Variants in MALRD1 observed in about 807,000 individuals in gnomAD.
MALRD1 encodes the protein MAM and LDL-receptor class A domain-containing protein 1.
In MALRD1, 247 loss-of-function variants were observed where a neutral mutation model predicts 242.1. The observed-to-expected ratio is 1.02, with a 90% CI of 0.92 to 1.13. MALRD1 has a LOEUF of 1.13. Among genes scored for constraint, MALRD1 ranks in the 50% most tolerant of loss-of-function variants. The pLI is 0.00. For synonymous variants in MALRD1, 995 were observed against 866.6 expected (o/e 1.15, Z -2.60); for missense variants, 2,989 against 2,533.1 (o/e 1.18, Z -3.86).
chr10:19,244,359 G>C (rs1353399252), intron 18 of MALRD1, among the ~76,000 whole-genome samples: 1 of 152,074 alleles, frequency 6.6e-6, no homozygotes, highest in East Asian at 1.9e-4. Context: ...GATTGCTTGA[G>C]TCTTGGAGTT....
chr10:19,439,357 C>T (rs1360134472), intron 28 of MALRD1, among the ~76,000 whole-genome samples: 1 of 151,912 alleles, frequency 6.6e-6, no homozygotes, highest in Non-Finnish European at 1.5e-5. Flanking sequence ...ATAGTAAGGC[C>T]CGGTCTCTGC....
At chr10:19,454,713 T>TACACACAC (rs35489123) in intron 29 of MALRD1, among the ~76,000 whole-genome samples, 179 of 132,404 alleles carry the variant, frequency 1.4e-3, no homozygotes, top group African/African-American at 2.9e-3. Context: ...CGTGCACACG[T>TACACACAC]ACACACACAC....
At chr10:19,646,859 G>A (rs191432269) in intron 36 of MALRD1, among the ~76,000 whole-genome samples, 3 of 152,286 alleles carry the variant, frequency 2.0e-5, no homozygotes, top group Admixed American at 2.0e-4. Flanking sequence ...GAAAGGGACA[G>A]AAGGCATTGC....
At chr10:19,542,638 A>G (rs1835022632) in intron 32 of MALRD1, among the ~76,000 whole-genome samples, 2 of 152,016 alleles carry the variant, frequency 1.3e-5, no homozygotes. Flanking sequence ...TTAAATTTAT[A>G]TATATAGATG....
chr10:19,486,626 C>G (rs1433080977), intron 29 of MALRD1, among the ~76,000 whole-genome samples: 1 of 152,086 alleles, frequency 6.6e-6, no homozygotes, highest in East Asian at 1.9e-4. Context: ...ACATGAAAAA[C>G]AAAGGTACTT....
intron 33 of MALRD1, among the ~76,000 whole-genome samples, chr10:19,592,768 C>CGT (rs1837881748): frequency 1.5e-3 from 31 of 20,062 alleles, no homozygotes; most frequent in African/African-American, 3.3e-3. Context: ...CACACGCACG[C>CGT]ACACACACAC....
At chr10:19,373,573 A>T (rs1845480164) in intron 26 of MALRD1, among the ~76,000 whole-genome samples, 2 of 151,978 alleles carry the variant, frequency 1.3e-5, no homozygotes, top group South Asian at 4.1e-4. Flanking sequence ...GAAGGGAGAG[A>T]GGGAGGGATG....
At chr10:19,223,954 G>A (rs1837670993) in intron 18 of MALRD1, among the ~76,000 whole-genome samples, 1 of 152,114 alleles carries the variant, frequency 6.6e-6, no homozygotes, top group African/African-American at 2.4e-5. Context: ...ATCATTGATG[G>A]GCATTTGGGT....
chr10:19,547,020 G>A lies in MALRD1; in HGVS notation c.5478+15669G>A, dbSNP rs184601658. Among the ~76,000 whole-genome samples, 4 of 152,212 alleles carry A rather than the reference G, an allele frequency of 2.6e-5. No homozygotes were observed. In the East Asian group the frequency reaches 7.7e-4, roughly 29 times the overall value. On this transcript the variant is annotated intron_variant, in intron 32 of 39. Coordinates refer to ENST00000454679, the MANE Select transcript of MALRD1 (RefSeq NM_001142308.3). ...CAGTATAAATTTTCTTTCAATTTGA[G>A]GGAAGGTGTTTTGAAGGCATTCTGA...
intron 35 of MALRD1, among the ~76,000 whole-genome samples, chr10:19,611,188 T>A (rs1485503372): frequency 1.3e-5 from 2 of 151,962 alleles, no homozygotes; most frequent in African/African-American, 4.8e-5. Flanking sequence ...TATTTCTACA[T>A]GAAGAATCTT....
chr10:19,485,722 A>C lies in MALRD1; in HGVS notation c.5030-5795A>C, dbSNP rs117786101. On this transcript the variant is annotated intron_variant, in intron 29 of 39. Transcript: ENST00000454679. ...AAAAAGCAATTAATTTTATTGATAG[A>C]TATCAAAAGCCCTAAAAGAGACAAA... is the stretch of plus-strand genomic sequence containing the variant. 2.5e-3 allele frequency among the ~76,000 whole-genome samples: 387 copies of C among 152,198 alleles called. 6 individuals are homozygous for C. The East Asian group carries it at 0.038, about 15-fold the overall frequency.
intron 21 of MALRD1, among the ~76,000 whole-genome samples, chr10:19,290,918 A>G (rs1375315357): frequency 1.3e-5 from 2 of 152,074 alleles, no homozygotes; most frequent in African/African-American, 2.4e-5. Context: ...GACCTACACA[A>G]TTAGTTTAAT....
intron 14 of MALRD1, among the ~76,000 whole-genome samples, chr10:19,188,032 T>A (rs1835813130): frequency 6.6e-6 from 1 of 152,192 alleles, no homozygotes; most frequent in South Asian, 2.1e-4. Context: ...TCACAGTTTT[T>A]AAATTATGTG....
At chr10:19,667,601 C>T (rs1841729601) in intron 36 of MALRD1, among the ~76,000 whole-genome samples, 1 of 150,332 alleles carries the variant, frequency 6.7e-6, no homozygotes, top group Admixed American at 6.6e-5. Context: ...GCCACTCTCT[C>T]TCTCTCTCTC....
intron 18 of MALRD1, among the ~76,000 whole-genome samples, chr10:19,247,501 C>T (rs140932244): frequency 1.1e-3 from 167 of 151,686 alleles, no homozygotes; most frequent in African/African-American, 3.8e-3. Flanking sequence ...TAAGGAGAAA[C>T]GTATGTTAAA....
chr10:19,454,249 A>G (rs1360110266), intron 29 of MALRD1, among the ~76,000 whole-genome samples: 1 of 151,832 alleles, frequency 6.6e-6, no homozygotes, highest in Non-Finnish European at 1.5e-5. Context: ...AACTAATAGG[A>G]CAAACCACAA....
chr10:19,481,916 T>A lies in MALRD1; in HGVS notation c.5030-9601T>A, dbSNP rs79064666. 5.9e-3 allele frequency among the ~76,000 whole-genome samples: 901 copies of A among 152,240 alleles called. 13 individuals carry two copies. Among genetic ancestry groups the A allele is most frequent in the Admixed American group, 0.024 (363 of 15,266 alleles). Reference sequence around the variant, plus strand: ...TATAGCACTAAATATACTGTTTTACTAATAACTTTTCATCACTGGATCATA... The same window carrying A: ...TATAGCACTAAATATACTGTTTTACAAATAACTTTTCATCACTGGATCATA... On this transcript the variant is annotated intron_variant, in intron 29 of 39. Coordinates refer to ENST00000454679, the MANE Select transcript of MALRD1 (RefSeq NM_001142308.3).
At chr10:19,166,351 C>T (rs1242486282) in intron 13 of MALRD1, among the ~76,000 whole-genome samples, 1 of 152,166 alleles carries the variant, frequency 6.6e-6, no homozygotes, top group African/African-American at 2.4e-5. Context: ...GGCAGGTTCT[C>T]ACTCATGTGT....
chr10:19,423,488 G>T (rs1048634458), intron 28 of MALRD1, among the ~76,000 whole-genome samples: 5 of 151,902 alleles, frequency 3.3e-5, no homozygotes, highest in African/African-American at 1.2e-4. Context: ...ACAATGAAGT[G>T]CTCTAAGTGA....
Sources: gnomAD v4.1 joint callset for allele counts (sites outside exome capture counted in the v4.1 genomes callset) on GRCh38, gnomAD v4.1.1 for gene constraint, MANE v1.5 for transcripts, NCBI Gene and HGNC (gene_info 2026-07-23, HGNC 2026-07-21) for gene names.